Variants in EPHA6 observed in about 807,000 individuals in gnomAD.
The protein encoded by EPHA6 is ephrin type-A receptor 6.
EPHA6 carries 50 observed loss-of-function variants against 112.0 expected under a neutral mutation model. That is an observed-to-expected ratio of 0.45 (90% confidence interval 0.36 to 0.56). The LOEUF (loss-of-function observed/expected upper bound fraction) is 0.56, where lower values mean the gene tolerates loss of function less well. Among genes scored for constraint, EPHA6 ranks in the 20% least tolerant of loss-of-function variants. The pLI is 0.00. For synonymous variants in EPHA6, 529 were observed against 490.7 expected, an observed-to-expected ratio of 1.08 and a Z score of -1.03; for missense variants, 1,280 against 1,417.4, an observed-to-expected ratio of 0.90 and a Z score of 1.56.
intron 12 of EPHA6, among the ~76,000 whole-genome samples, chr3:97,602,092 A>G (rs1174535784): frequency 6.6e-6 from 1 of 152,088 alleles, no homozygotes; most frequent in African/African-American, 2.4e-5. Flanking sequence ...GCAAAAGCAT[A>G]TAACATTGCT....
At chr3:97,539,098 TCC>T (rs1491426915) in intron 11 of EPHA6, among the ~76,000 whole-genome samples, 29 of 146,356 alleles carry the variant, frequency 2.0e-4, no homozygotes, top group African/African-American at 3.7e-4. Flanking sequence ...CTTCCTTCCT[TCC>T]TTCCTTTCTT....
chr3:97,607,308 A>G (rs2093687353), intron 12 of EPHA6, among the ~76,000 whole-genome samples: 1 of 150,944 alleles, frequency 6.6e-6, no homozygotes, highest in African/African-American at 2.4e-5. Context: ...TAGTCTTATG[A>G]TTATATAGTT....
chr3:97,656,161 G>T (rs2094136858), intron 14 of EPHA6, among the ~76,000 whole-genome samples: 1 of 151,616 alleles, frequency 6.6e-6, no homozygotes, highest in Admixed American at 6.6e-5. Flanking sequence ...CCTTCTGTTT[G>T]GTATATTAAA....
rs1466222676 is a variant in EPHA6 at position 97,542,839 on chromosome 3, T to C, written c.2386+10296T>C. Among the ~76,000 whole-genome samples the C allele has an allele frequency of 3.3e-5, 5 of 152,374 alleles. No homozygotes were observed. The East Asian group carries it at 9.6e-4, about 29-fold the overall frequency. On this transcript the variant is annotated intron_variant, in intron 11 of 17. Coordinates refer to ENST00000389672, the MANE Select transcript of EPHA6 (RefSeq NM_001080448.3). ...GTGGTTTTGATTTGCATTTCTCTGA[T>C]GGCCAGTGATGATGAGCATTTTTTC...
intron 14 of EPHA6, among the ~76,000 whole-genome samples, chr3:97,677,221 C>G (rs2031466491): frequency 6.6e-6 from 1 of 152,116 alleles, no homozygotes; most frequent in African/African-American, 2.4e-5. Flanking sequence ...AGAAGTGCTA[C>G]ATGTGTAAAA....
At chr3:97,301,871 C>G (rs1186936230) in intron 5 of EPHA6, among the ~76,000 whole-genome samples, 2 of 151,940 alleles carry the variant, frequency 1.3e-5, no homozygotes, top group East Asian at 3.9e-4. Flanking sequence ...AGATCACTCA[C>G]CCGTATATTG....
intron 5 of EPHA6, among the ~76,000 whole-genome samples, chr3:97,354,465 A>G (rs893355371): frequency 6.6e-6 from 1 of 152,084 alleles, no homozygotes; most frequent in Non-Finnish European, 1.5e-5. Flanking sequence ...AATACAATTG[A>G]CATACAAAGA....
chr3:97,332,431 T>C (rs1379881592), intron 5 of EPHA6, among the ~76,000 whole-genome samples: 1 of 151,948 alleles, frequency 6.6e-6, no homozygotes, highest in Non-Finnish European at 1.5e-5. Context: ...GAGAAGGAAA[T>C]AAAGGGTATT....
chr3:97,572,147 C>CTTTTT (rs869271956), intron 11 of EPHA6, among the ~76,000 whole-genome samples: 7 of 128,366 alleles, frequency 5.5e-5, no homozygotes, highest in Non-Finnish European at 8.4e-5. Context: ...ATCTCTTTTC[C>CTTTTT]TTTTTTTTTT....
intron 1 of EPHA6, among the ~76,000 whole-genome samples, chr3:96,822,054 T>C (rs1407429320): frequency 6.6e-6 from 1 of 151,934 alleles, no homozygotes; most frequent in Non-Finnish European, 1.5e-5. Flanking sequence ...ATGTGTTTTA[T>C]TTGTAAATTG....
chr3:97,159,884 G>A (rs2076373060), intron 3 of EPHA6, among the ~76,000 whole-genome samples: 1 of 152,190 alleles, frequency 6.6e-6, no homozygotes. Context: ...TATCTACGGT[G>A]TGTTATTCCT....
intron 3 of EPHA6, among the ~76,000 whole-genome samples, chr3:97,034,957 A>G (rs1279490944): frequency 6.6e-6 from 1 of 151,996 alleles, no homozygotes; most frequent in Non-Finnish European, 1.5e-5. Flanking sequence ...ATAAAATGGT[A>G]ACCATATTTT....
intron 1 of EPHA6, among the ~76,000 whole-genome samples, chr3:96,819,223 A>G (rs2033053554): frequency 1.3e-5 from 2 of 152,064 alleles, no homozygotes. Flanking sequence ...AAAAGTATAT[A>G]TCTATTGGTA....
At chr3:97,013,643 A>G (rs1309460925) in intron 3 of EPHA6, among the ~76,000 whole-genome samples, 1 of 152,168 alleles carries the variant, frequency 6.6e-6, no homozygotes, top group Non-Finnish European at 1.5e-5. Context: ...ATAAATGTAT[A>G]TACACTTTGT....
chr3:97,471,654 C>T lies in EPHA6; in HGVS notation c.1895-3698C>T, dbSNP rs186292377. Among the ~76,000 whole-genome samples the T allele has an allele frequency of 1.9e-3, 286 of 151,738 alleles. 1 individual carries two copies. Among genetic ancestry groups the T allele is most frequent in the African/African-American group, 6.5e-3 (269 of 41,478 alleles). On this transcript the variant is annotated intron_variant, in intron 7 of 17. Coordinates refer to ENST00000389672, the MANE Select transcript of EPHA6 (RefSeq NM_001080448.3). ...ATTAGTGTTGGGTACACTCTCTTCA[C>T]GTACATTGTATAGCTACACTGATGG... is the stretch of plus-strand genomic sequence containing the variant.
intron 13 of EPHA6, among the ~76,000 whole-genome samples, chr3:97,611,073 A>T (rs1466087087): frequency 3.3e-5 from 5 of 151,622 alleles, no homozygotes; most frequent in Non-Finnish European, 7.4e-5. Context: ...TCTCCTCTAA[A>T]TTCACTTGCT....
chr3:97,475,541 A>C, intron 8 of EPHA6, 81 bp downstream of exon 8: 1 of 1,018,302 alleles, frequency 9.8e-7, no homozygotes, highest in Non-Finnish European at 1.5e-6. Context: ...ATGCTTTTAG[A>C]TATAACAAAG....
intron 6 of EPHA6, among the ~76,000 whole-genome samples, chr3:97,414,891 T>C (rs565450046): frequency 2.3e-4 from 35 of 152,174 alleles, no homozygotes; most frequent in African/African-American, 7.9e-4. Context: ...AAGAGACTGG[T>C]TGGCTATATT....
At chr3:97,264,263 A>C (rs1053267559) in intron 5 of EPHA6, among the ~76,000 whole-genome samples, 1 of 152,178 alleles carries the variant, frequency 6.6e-6, no homozygotes, top group East Asian at 1.9e-4. Flanking sequence ...CATGCCTCCA[A>C]GGGAGAATGC....
Sources: allele counts gnomAD v4.1 joint callset (sites outside exome capture counted in the v4.1 genomes callset), GRCh38; gene constraint gnomAD v4.1.1; transcripts MANE v1.5; gene names NCBI Gene and HGNC (gene_info 2026-07-23, HGNC 2026-07-21).